PPP1R9A: variants seen among roughly 807,000 people sequenced by gnomAD.
PPP1R9A encodes the protein protein phosphatase 1 regulatory subunit 9A.
In PPP1R9A, 59 loss-of-function variants were observed where a neutral mutation model predicts 141.9. The ratio of observed to expected loss-of-function variants is 0.42; its 90% confidence interval spans 0.34 to 0.52. The LOEUF (loss-of-function observed/expected upper bound fraction) is 0.52. PPP1R9A is among the 20% of genes least tolerant of loss of function. PPP1R9A has a pLI of 0.10. For missense variants in PPP1R9A, 1,444 were observed against 1,611.9 expected (o/e 0.90, Z 1.78); for synonymous variants, 500 against 569.7 (o/e 0.88, Z 1.74).
intron 7 of PPP1R9A, among the ~76,000 whole-genome samples, chr7:95,204,956 GCACACACCACACATACCCA>G (rs1790463549): frequency 9.2e-6 from 1 of 108,528 alleles, no homozygotes; most frequent in Non-Finnish European, 1.9e-5. Flanking sequence ...CACACGACAC[GCACACACCACACATACCCA>G]CACACACCAC....
chr7:95,109,890 A>G (rs573741025), intron 2 of PPP1R9A, among the ~76,000 whole-genome samples: 2 of 151,960 alleles, frequency 1.3e-5, no homozygotes, highest in Non-Finnish European at 2.9e-5. Context: ...CATGGGAAAC[A>G]TGCTAATATT....
chr7:95,077,979 T>G (rs1815123692), intron 2 of PPP1R9A, among the ~76,000 whole-genome samples: 1 of 148,808 alleles, frequency 6.7e-6, no homozygotes. Flanking sequence ...CTACTCTGTT[T>G]TTTTTTTTTT....
chr7:95,010,044 A>G (rs1046443117), intron 2 of PPP1R9A, among the ~76,000 whole-genome samples: 25 of 152,210 alleles, frequency 1.6e-4, no homozygotes, highest in Non-Finnish European at 1.3e-4. Context: ...CAGAGGGTAC[A>G]AACTATTCAC....
Position 95,250,250 on chromosome 7 carries a change from A to G in PPP1R9A, c.2391A>G (p.Gln797=). Residue 797 remains glutamine (Q), a synonymous_variant, in exon 10 of 20, where the codon CAA becomes CAG. Transcript: ENST00000433360. ...CAAAGAAGTTGATCAAGGATTTTCA[A>G]CAAAAGTAAGCCGCTTCTAATAACT... ...NKAKKLIKDF[Q]QKELDFIKRQ... 6.2e-7 allele frequency: 1 copy of G among 1,603,896 alleles called. No homozygotes were observed. The highest frequency in any genetic ancestry group is 8.5e-7 in the Non-Finnish European group (1 of 1,176,848).
chr7:95,130,662 G>A (rs1445056201), intron 4 of PPP1R9A, among the ~76,000 whole-genome samples: 1 of 152,170 alleles, frequency 6.6e-6, no homozygotes, highest in Admixed American at 6.5e-5. Flanking sequence ...GCAGCTGGGA[G>A]GGAGGCTGTA....
intron 7 of PPP1R9A, among the ~76,000 whole-genome samples, chr7:95,215,604 C>T (rs1198091140): frequency 6.6e-6 from 1 of 152,140 alleles, no homozygotes; most frequent in African/African-American, 2.4e-5. Flanking sequence ...TAAAAGTGTT[C>T]CTATTTCTCC....
chr7:95,119,387 C>T (rs1187195841), intron 3 of PPP1R9A, among the ~76,000 whole-genome samples: 1 of 152,126 alleles, frequency 6.6e-6, no homozygotes, highest in Admixed American at 6.5e-5. Context: ...ATGATACCAT[C>T]TCACCATGAA....
At chr7:95,112,603 C>T (rs1469278114) in intron 3 of PPP1R9A, among the ~76,000 whole-genome samples, 1 of 152,110 alleles carries the variant, frequency 6.6e-6, no homozygotes, top group Non-Finnish European at 1.5e-5. Flanking sequence ...GAGACTTGTG[C>T]TTGTATGTTT....
At chr7:94,947,172 C>T (rs1795985463) in intron 2 of PPP1R9A, among the ~76,000 whole-genome samples, 1 of 152,114 alleles carries the variant, frequency 6.6e-6, no homozygotes, top group African/African-American at 2.4e-5. Flanking sequence ...CTGATATGCT[C>T]ACCCTCTGGA....
chr7:95,256,371 A>G (rs1799586764), intron 12 of PPP1R9A, among the ~76,000 whole-genome samples: 1 of 152,152 alleles, frequency 6.6e-6, no homozygotes, highest in African/African-American at 2.4e-5. Context: ...GGAAAAATAC[A>G]TATAATTATT....
At chr7:95,208,668 G>C (rs1419661765) in intron 7 of PPP1R9A, among the ~76,000 whole-genome samples, 1 of 149,756 alleles carries the variant, frequency 6.7e-6, no homozygotes, top group Non-Finnish European at 1.5e-5. Flanking sequence ...AGCTTGCAGT[G>C]AGCCGAGATC....
intron 2 of PPP1R9A, among the ~76,000 whole-genome samples, chr7:95,104,087 T>C (rs575335247): frequency 6.6e-6 from 1 of 152,336 alleles, no homozygotes; most frequent in South Asian, 2.1e-4. Flanking sequence ...TGTATTAACG[T>C]TAAGTATGCT....
chr7:95,024,620 A>G (rs544428624), intron 2 of PPP1R9A, among the ~76,000 whole-genome samples: 3 of 149,928 alleles, frequency 2.0e-5, no homozygotes, highest in Admixed American at 1.3e-4. Flanking sequence ...TTTGTTTTCC[A>G]TTTGCTTGGT....
At chr7:95,191,303 C>A (rs1053789553) in intron 5 of PPP1R9A, among the ~76,000 whole-genome samples, 1 of 152,014 alleles carries the variant, frequency 6.6e-6, no homozygotes, top group African/African-American at 2.4e-5. Flanking sequence ...GAGGGCAGTT[C>A]TTAGTGAAAT....
At chr7:94,918,716 C>A (rs867796496) in intron 2 of PPP1R9A, among the ~76,000 whole-genome samples, 1 of 152,076 alleles carries the variant, frequency 6.6e-6, no homozygotes, top group Non-Finnish European at 1.5e-5. Context: ...TACTTCTGGA[C>A]ATTTCTTACA....
At chr7:95,179,533 A>T (rs1833404215) in intron 5 of PPP1R9A, among the ~76,000 whole-genome samples, 1 of 151,932 alleles carries the variant, frequency 6.6e-6, no homozygotes, top group African/African-American at 2.4e-5. Flanking sequence ...GGGCAATCAG[A>T]GAGGAGAAAT....
chr7:95,091,337 C>CTTTTTT (rs555627706), intron 2 of PPP1R9A, among the ~76,000 whole-genome samples: 25 of 75,980 alleles, frequency 3.3e-4, no homozygotes, highest in South Asian at 4.4e-4. Flanking sequence ...TGTTTTAACT[C>CTTTTTT]TTTTTTTTTT....
intron 2 of PPP1R9A, among the ~76,000 whole-genome samples, chr7:95,001,349 T>TG (rs769246275): frequency 3.0e-4 from 46 of 152,320 alleles, no homozygotes; most frequent in Admixed American, 8.5e-4. Context: ...ACAGAAAAGT[T>TG]GAAGCTTTTC....
intron 2 of PPP1R9A, among the ~76,000 whole-genome samples, chr7:94,992,392 T>A (rs2151437462): frequency 6.6e-6 from 1 of 152,366 alleles, no homozygotes; most frequent in South Asian, 2.1e-4. Context: ...TGATGACAGA[T>A]GTGGGAATTG....
Sources: allele counts gnomAD v4.1 joint callset (sites outside exome capture counted in the v4.1 genomes callset), GRCh38; gene constraint gnomAD v4.1.1; transcripts MANE v1.5; gene names NCBI Gene and HGNC (gene_info 2026-07-23, HGNC 2026-07-21).